The following HSPA12A variants were observed in gnomAD, a reference collection of about 807,000 sequenced individuals.
The protein encoded by HSPA12A is heat shock 70 kDa protein 12A.
HSPA12A carries 28 observed loss-of-function variants against 69.2 expected under a neutral mutation model. That is an observed-to-expected ratio of 0.40 (90% CI 0.30 to 0.55). The LOEUF is 0.55. HSPA12A is among the 20% of genes least tolerant of loss of function. The pLI is 0.38. For missense variants in HSPA12A, 686 were observed against 900.7 expected, an observed-to-expected ratio of 0.76 and a Z score of 3.05; for synonymous variants, 345 against 370.5, an observed-to-expected ratio of 0.93 and a Z score of 0.79.
At chr10:116,816,953 C>T (rs928579712) in intron 2 of HSPA12A, among the ~76,000 whole-genome samples, 5 of 152,150 alleles carry the variant, frequency 3.3e-5, no homozygotes, top group South Asian at 2.1e-4. Flanking sequence ...CATGACATCA[C>T]GATTCAAATC....
intron 2 of HSPA12A, among the ~76,000 whole-genome samples, chr10:116,804,696 T>G (rs1845032038): frequency 6.6e-6 from 1 of 152,172 alleles, no homozygotes; most frequent in Admixed American, 6.5e-5. Context: ...GTTATAAGAT[T>G]AAAACAATTT....
chr10:116,696,002 C>CAAAAAAAAAAAAAAAACAAA (rs1849888065), intron 5 of HSPA12A, among the ~76,000 whole-genome samples: 1 of 32,714 alleles, frequency 3.1e-5, no homozygotes, highest in African/African-American at 1.5e-4. Context: ...GACTCCATCT[C>CAAAAAAAAAAAAAAAACAAA]AAAAAAAAAA....
At chr10:116,739,117 T>C (rs1851400495) in intron 1 of HSPA12A, among the ~76,000 whole-genome samples, 1 of 152,048 alleles carries the variant, frequency 6.6e-6, no homozygotes, top group Non-Finnish European at 1.5e-5. Context: ...TCAACACAAG[T>C]CCCTGAGGGC....
rs115532500 is a variant in HSPA12A at position 116,689,951 on chromosome 10, G to A, written c.663+2400C>T. Among the ~76,000 whole-genome samples the A allele has an allele frequency of 6.4e-3, 977 of 152,314 alleles. 16 individuals are homozygous for A. The highest frequency in any genetic ancestry group is 0.021 in the African/African-American group (884 of 41,564). ...TCAAGGAGGGCCATTGCTTTGCTCA[G>A]TTTATTGATTTAAATGTTGAACTTT... On this transcript the variant is annotated intron_variant, in intron 6 of 11. Coordinates refer to ENST00000369209, the MANE Select transcript of HSPA12A (RefSeq NM_025015.3).
At chr10:116,848,366 T>C (rs1845940222) in intron 1 of HSPA12A, among the ~76,000 whole-genome samples, 1 of 152,264 alleles carries the variant, frequency 6.6e-6, no homozygotes, top group Non-Finnish European at 1.5e-5. Flanking sequence ...ATCACATTTT[T>C]ATGCATCTGC....
chr10:116,773,805 T>C (rs1008073929), intron 2 of HSPA12A, among the ~76,000 whole-genome samples: 1 of 152,166 alleles, frequency 6.6e-6, no homozygotes, highest in South Asian at 2.1e-4. Flanking sequence ...ACAGTGCCTG[T>C]GGTAATGATG....
At chr10:116,682,343 T>A (rs1554878733) in intron 7 of HSPA12A, among the ~76,000 whole-genome samples, 1 of 152,074 alleles carries the variant, frequency 6.6e-6, no homozygotes, top group East Asian at 1.9e-4. Flanking sequence ...GAGGAAGCTA[T>A]CTGCCAAACA....
chr10:116,723,903 C>T lies in HSPA12A; in HGVS notation c.41-16618G>A, dbSNP rs1850865837. On this transcript the variant is annotated intron_variant, in intron 1 of 11. Transcript: ENST00000369209. The surrounding 1 kb of genome is among the most constrained non-coding windows in gnomAD (Gnocchi z 4.1). ...CACCTGAGGGCCCCTGACCATACCC[C>T]AGTAGCTGAGGCCAGCGGGTCACCT... 6.6e-6 allele frequency among the ~76,000 whole-genome samples: 1 copy of T among 152,346 alleles called. No homozygotes were observed. Among genetic ancestry groups the T allele is most frequent in the Non-Finnish European group, 1.5e-5 (1 of 68,028 alleles).
chr10:116,845,281 G>A (rs778437337), intron 1 of HSPA12A, among the ~76,000 whole-genome samples: 30 of 152,128 alleles, frequency 2.0e-4, no homozygotes, highest in African/African-American at 2.9e-4. Flanking sequence ...TGAGGGAGGG[G>A]CTGAATTTTG....
At chr10:116,729,572 A>G (rs1031091262) in intron 1 of HSPA12A, among the ~76,000 whole-genome samples, 1 of 151,948 alleles carries the variant, frequency 6.6e-6, no homozygotes, top group Non-Finnish European at 1.5e-5. Flanking sequence ...ACAATAACAT[A>G]AACAGTCAAT....
At chr10:116,839,564 A>G (rs1273661959) in intron 1 of HSPA12A, among the ~76,000 whole-genome samples, 1 of 150,138 alleles carries the variant, frequency 6.7e-6, no homozygotes, top group Non-Finnish European at 1.5e-5. Flanking sequence ...TAATCAACAC[A>G]AGTGTGACTG....
In HSPA12A at chr10:116,728,248, T is replaced by C. The variant is rs907829942; in HGVS notation, c.40+14182A>G. 2.6e-5 allele frequency among the ~76,000 whole-genome samples: 4 copies of C among 152,236 alleles called. No individual in the cohort carries two copies. The East Asian group carries it at 5.8e-4, about 22-fold the overall frequency. The stretch of plus-strand genomic sequence containing the variant: ...GAGCCACTATGCCCAGCCTTGTAAG[T>C]GTTCTGAGCATATTTAAGGTAGGCT... On this transcript the variant is annotated intron_variant, in intron 1 of 11. Transcript: ENST00000369209.
At chr10:116,712,976 C>CT (rs1826032554) in intron 1 of HSPA12A, among the ~76,000 whole-genome samples, 12 of 22,098 alleles carry the variant, frequency 5.4e-4, no homozygotes, top group South Asian at 4.1e-3. Flanking sequence ...TTAAAAAATG[C>CT]AATATATATA....
At chr10:116,811,352 A>G (rs1462144483) in intron 2 of HSPA12A, among the ~76,000 whole-genome samples, 1 of 149,338 alleles carries the variant, frequency 6.7e-6, no homozygotes, top group Non-Finnish European at 1.5e-5. Flanking sequence ...TTCCCATAAG[A>G]GTCAGGCTAA....
At chr10:116,712,832 A>G (rs888656974) in intron 1 of HSPA12A, among the ~76,000 whole-genome samples, 2 of 151,832 alleles carry the variant, frequency 1.3e-5, no homozygotes, top group Non-Finnish European at 2.9e-5. Flanking sequence ...CTCCGAGGAA[A>G]TGTGACAGGT....
At chr10:116,687,660 C>G (rs1849614205) in intron 6 of HSPA12A, among the ~76,000 whole-genome samples, 1 of 152,226 alleles carries the variant, frequency 6.6e-6, no homozygotes, top group Non-Finnish European at 1.5e-5. Context: ...TTAACACTTG[C>G]AGCCACCCTC....
At chr10:116,818,107 C>A (rs2133193588) in intron 2 of HSPA12A, among the ~76,000 whole-genome samples, 1 of 152,324 alleles carries the variant, frequency 6.6e-6, no homozygotes, top group East Asian at 1.9e-4. Flanking sequence ...CCACACACTG[C>A]CAGTAGGGGC....
rs901361422 is a variant in HSPA12A, at chr10:116,813,282, G to A, written c.91+21653C>T. Reference sequence around the variant, plus strand: ...TTTTTTTGAGATGGAGTCTTGCTCTGTTGCCCATGCTGGAGTGCAGTGGCG... The same window carrying A: ...TTTTTTTGAGATGGAGTCTTGCTCTATTGCCCATGCTGGAGTGCAGTGGCG... On this transcript the variant is annotated intron_variant, in intron 2 of 12. Coordinates refer to the HSPA12A transcript ENST00000635765. Among the ~76,000 whole-genome samples, 14 of 106,944 alleles carry A rather than the reference G, an allele frequency of 1.3e-4. 1 individual carries two copies. The Admixed American group carries it at 2.1e-3, about 16-fold the overall frequency. 70.2% of individuals were successfully genotyped at this position (106,944 alleles called of 152,430 possible).
intron 1 of HSPA12A, among the ~76,000 whole-genome samples, chr10:116,709,302 G>C (rs1471573904): frequency 6.6e-6 from 1 of 152,050 alleles, no homozygotes; most frequent in African/African-American, 2.4e-5. Flanking sequence ...ACAAAAATTA[G>C]CCAGGCGTGG....
Sources: gnomAD v4.1 joint callset for allele counts (sites outside exome capture counted in the v4.1 genomes callset) on GRCh38, gnomAD v4.1.1 for gene constraint, Gnocchi (gnomAD v3.1) non-coding constraint, MANE v1.5 for transcripts, NCBI Gene and HGNC (gene_info 2026-07-23, HGNC 2026-07-21) for gene names.